The following ITPR2 variants were observed in gnomAD, a reference collection of about 807,000 sequenced individuals.
ITPR2 encodes the protein inositol 1,4,5-trisphosphate receptor type 2, also known as inositol 1,4,5-trisphosphate-gated calcium channel ITPR2.
Under a neutral mutation model 317.1 loss-of-function variants are expected in ITPR2, and 207 were observed. That is an observed-to-expected ratio of 0.65 (90% CI 0.58 to 0.73). ITPR2 has a LOEUF of 0.73. Among genes scored for constraint, ITPR2 ranks in the 30% least tolerant of loss-of-function variants. The pLI, the probability that ITPR2 is intolerant of heterozygous loss-of-function variation, is 0.00. For synonymous variants in ITPR2, 1,156 were observed against 1,149.1 expected (o/e 1.01, Z -0.12); for missense variants, 2,613 against 3,284.0 (o/e 0.80, Z 4.99).
intron 43 of ITPR2, among the ~76,000 whole-genome samples, chr12:26,478,284 G>A (rs117963115): frequency 0.015 from 2,328 of 152,156 alleles, 35 homozygotes; most frequent in Non-Finnish European, 0.025. Context: ...GGAGGAAAGG[G>A]AGTATTATCT....
intron 49 of ITPR2, among the ~76,000 whole-genome samples, chr12:26,424,417 C>T (rs1940983547): frequency 6.6e-6 from 1 of 152,080 alleles, no homozygotes; most frequent in Non-Finnish European, 1.5e-5. Context: ...TCACCTCTTA[C>T]ACAATGCAAA....
chr12:26,811,892 G>T (rs1950758233), intron 1 of ITPR2, among the ~76,000 whole-genome samples: 3 of 148,642 alleles, frequency 2.0e-5, no homozygotes, highest in Non-Finnish European at 4.5e-5. Flanking sequence ...GGCCGGGCGT[G>T]GTGGCTCAAA....
At chr12:26,622,784 C>T (rs1946530046) in intron 24 of ITPR2, among the ~76,000 whole-genome samples, 1 of 152,206 alleles carries the variant, frequency 6.6e-6, no homozygotes, top group Non-Finnish European at 1.5e-5. Context: ...TGGGGCCCTA[C>T]AGACCCCTAC....
chr12:26,513,680 C>T (rs1465426904), intron 37 of ITPR2, among the ~76,000 whole-genome samples: 1 of 152,020 alleles, frequency 6.6e-6, no homozygotes, highest in African/African-American at 2.4e-5. Context: ...TCCCTGTTTC[C>T]AGCACCTTTG....
chr12:26,769,288 G>A (rs1949797603), intron 2 of ITPR2, among the ~76,000 whole-genome samples: 1 of 152,082 alleles, frequency 6.6e-6, no homozygotes, highest in South Asian at 2.1e-4. Flanking sequence ...CCAAGCATTT[G>A]TAAAACAAAC....
At chr12:26,520,044 GA>G (rs1311355135) in intron 37 of ITPR2, among the ~76,000 whole-genome samples, 1 of 152,212 alleles carries the variant, frequency 6.6e-6, no homozygotes, top group Non-Finnish European at 1.5e-5. Flanking sequence ...CAAGGGCAAT[GA>G]AGGTGGGAAA....
intron 8 of ITPR2, among the ~76,000 whole-genome samples, chr12:26,712,663 A>G (rs1948669374): frequency 8.7e-6 from 1 of 114,954 alleles, no homozygotes; most frequent in Admixed American, 8.4e-5. Context: ...ACACACACAC[A>G]CACACACACA....
chr12:26,784,319 G>GCCCTCGCCCTCGCCCTCGC (rs1565762490), intron 2 of ITPR2, among the ~76,000 whole-genome samples: 2 of 31,720 alleles, frequency 6.3e-5, no homozygotes, highest in Non-Finnish European at 1.1e-4. Flanking sequence ...CTCTCCCTCT[G>GCCCTCGCCCTCGCCCTCGC]CCTCTCCCTC....
chr12:26,380,777 A>G (rs373669004), intron 55 of ITPR2, among the ~76,000 whole-genome samples: 1 of 152,224 alleles, frequency 6.6e-6, no homozygotes, highest in East Asian at 1.9e-4. Context: ...TCATGAGCCC[A>G]AACATCTCCC....
intron 26 of ITPR2, among the ~76,000 whole-genome samples, chr12:26,615,228 T>C (rs1363195766): frequency 6.6e-6 from 1 of 152,036 alleles, no homozygotes; most frequent in African/African-American, 2.4e-5. Context: ...GATCTCCGAG[T>C]TACCACATAC....
intron 13 of ITPR2, among the ~76,000 whole-genome samples, chr12:26,667,138 T>C (rs1056065724): frequency 1.3e-5 from 2 of 152,216 alleles, no homozygotes; most frequent in African/African-American, 4.8e-5. Flanking sequence ...TAATCATGAA[T>C]ACATTCATAA....
intron 2 of ITPR2, among the ~76,000 whole-genome samples, chr12:26,730,023 A>G (rs1418511353): frequency 6.6e-6 from 1 of 152,114 alleles, no homozygotes; most frequent in Non-Finnish European, 1.5e-5. Context: ...AAATAAACCA[A>G]AAAAAGAAAG....
chr12:26,518,557 TA>T (rs956079551), intron 37 of ITPR2, among the ~76,000 whole-genome samples: 8 of 151,448 alleles, frequency 5.3e-5, no homozygotes, highest in Non-Finnish European at 7.4e-5. Context: ...TAAATACAAA[TA>T]AAAAATAAAG....
At position 26,486,273 on chromosome 12, in the gene ITPR2, T is replaced by C. The variant is rs956707143; in HGVS notation, c.5642A>G (p.Tyr1881Cys). 6.2e-7 allele frequency: 1 copy of C among 1,614,022 alleles called. No individual in the cohort carries two copies. Among genetic ancestry groups the C allele is most frequent in the Non-Finnish European group, 8.5e-7 (1 of 1,179,984 alleles). Residue 1881 changes from tyrosine (Y) to cysteine (C), a missense_variant, in exon 41 of 57, where the codon TAC becomes TGC. Tyr to Cys is a radical substitution (Grantham distance 194). Transcript: ENST00000381340. ...TATTTCTGGATCCATTTCTCTTCTG[T>C]ATACACAATATGCTTTGGATGTTGC... ...SSATSKAYCV[Y>C]RREMDPEIDI...
intron 51 of ITPR2, among the ~76,000 whole-genome samples, chr12:26,414,047 ATG>A (rs753618981): frequency 0.22 from 28,862 of 129,988 alleles, 3,440 homozygotes; most frequent in East Asian, 0.36. Flanking sequence ...ACATGTATAT[ATG>A]TACACACACA....
At chr12:26,666,190 G>A in intron 13 of ITPR2, 139 bp from the exon 14 acceptor site, 1 of 264,446 alleles carries the variant, frequency 3.8e-6, no homozygotes, top group Non-Finnish European at 5.9e-6. Flanking sequence ...TTCAGGAGTG[G>A]AACTCAAATC....
intron 26 of ITPR2, among the ~76,000 whole-genome samples, chr12:26,610,083 T>C (rs1946227713): frequency 6.6e-6 from 1 of 152,194 alleles, no homozygotes; most frequent in Admixed American, 6.5e-5. Context: ...TGTCCAAAAC[T>C]AATGAATAAA....
chr12:26,830,193 T>C (rs1212974486), intron 1 of ITPR2, among the ~76,000 whole-genome samples: 6 of 152,324 alleles, frequency 3.9e-5, no homozygotes, highest in Admixed American at 6.5e-5. Flanking sequence ...CATGAGCCAC[T>C]GTGCCCAGCC....
chr12:26,631,871 A>C lies in ITPR2; in HGVS notation c.2929T>G (p.Leu977Val), dbSNP rs981299444. The C allele has an allele frequency of 6.2e-7, 1 of 1,613,778 alleles. No homozygotes were observed. Among genetic ancestry groups the C allele is most frequent in the African/African-American group, 1.3e-5 (1 of 75,022 alleles). Residue 977 changes from leucine (L) to valine (V), a missense_variant, in exon 22 of 57, where the codon TTG becomes GTG. Around this residue, in one of 9 missense-constraint regions of ITPR2, gnomAD observed 817 missense variants for 897.6 expected, o/e 0.91. Transcript: ENST00000381340. ...GCTTCTGTTAGGCAACACACCTGCA[A>C]AATCTCAATGATCTTCAGCTTGGTG... ...MDTKLKIIEILQFILSVRLDY... is the reference protein window; with the variant it reads ...MDTKLKIIEIVQFILSVRLDY...
Sources: gnomAD v4.1 joint callset for allele counts (sites outside exome capture counted in the v4.1 genomes callset) on GRCh38, gnomAD v4.1.1 for gene constraint, gnomAD v4.1.1 regional missense constraint, MANE v1.5 for transcripts, NCBI Gene and HGNC (gene_info 2026-07-23, HGNC 2026-07-21) for gene names.